The following WDFY4 variants were observed in gnomAD, a reference collection of about 807,000 sequenced individuals.
WDFY4 encodes the protein WDFY family member 4.
WDFY4 carries 169 observed loss-of-function variants against 351.9 expected under a neutral mutation model. The observed-to-expected ratio is 0.48, with a 90% CI of 0.42 to 0.55. WDFY4 has a LOEUF of 0.55. Ranked by LOEUF, WDFY4 falls within the 20% of genes least tolerant of loss-of-function variation. WDFY4 has a pLI of 0.00. For synonymous variants in WDFY4, 1,622 were observed against 1,574.6 expected, an observed-to-expected ratio of 1.03 and a Z score of -0.71; for missense variants, 3,803 against 3,935.6, an observed-to-expected ratio of 0.97 and a Z score of 0.90.
At chr10:48,888,367 A>T (rs946902991) in intron 43 of WDFY4, among the ~76,000 whole-genome samples, 17 of 146,996 alleles carry the variant, frequency 1.2e-4, no homozygotes, top group African/African-American at 4.3e-4. Context: ...TTTGCTTTCC[A>T]GTTAGTCCAG....
intron 11 of WDFY4, among the ~76,000 whole-genome samples, chr10:48,736,876 G>A (rs761650803): frequency 7.9e-5 from 12 of 152,174 alleles, no homozygotes; most frequent in African/African-American, 1.9e-4. Flanking sequence ...GTGGAAACAC[G>A]GGGCACAAAG....
intron 43 of WDFY4, among the ~76,000 whole-genome samples, chr10:48,887,969 A>T (rs2070536399): frequency 6.6e-6 from 1 of 152,246 alleles, no homozygotes; most frequent in African/African-American, 2.4e-5. Context: ...ATTAATAAGA[A>T]TTAGACAGCT....
intron 47 of WDFY4, among the ~76,000 whole-genome samples, chr10:48,906,951 A>G (rs1056365809): frequency 6.9e-6 from 1 of 145,764 alleles, no homozygotes; most frequent in Admixed American, 6.8e-5. Context: ...TTTTTTTTTT[A>G]TTTCTGGAAC....
At position 48,778,819 on chromosome 10, in the gene WDFY4, G is replaced by T; in HGVS notation, c.3384G>T (p.Glu1128Asp). ...LSLVVSTEEK[E>D]FQPLDVMEPE... ...TGGTTGTTTCTACAGAAGAGAAGGA[G>T]TTTCAGCCTCTGGGTAAGGTGCTGG... The change falls in exon 18 of 62, where the codon GAG becomes GAT. Residue 1128 changes from glutamate (E) to aspartate (D), a missense_variant. Glu to Asp is a conservative substitution (Grantham distance 45). Transcript: ENST00000325239. 2 of 1,550,758 alleles carry T rather than the reference G, an allele frequency of 1.3e-6. No individual in the cohort carries two copies. Among genetic ancestry groups the T allele is most frequent in the Non-Finnish European group, 8.7e-7 (1 of 1,147,046 alleles).
chr10:48,767,913 C>T (rs542424020), intron 13 of WDFY4, among the ~76,000 whole-genome samples: 1 of 152,216 alleles, frequency 6.6e-6, no homozygotes, highest in African/African-American at 2.4e-5. Flanking sequence ...TCCAGGACCC[C>T]CAGAAAGTCA....
intron 39 of WDFY4, among the ~76,000 whole-genome samples, chr10:48,866,922 G>A (rs1252760877): frequency 2.0e-5 from 3 of 152,124 alleles, no homozygotes; most frequent in Non-Finnish European, 2.9e-5. Flanking sequence ...TGTAATCCCA[G>A]CACTTTGGGA....
At chr10:48,896,915 GT>G (rs1358679250) in intron 44 of WDFY4, among the ~76,000 whole-genome samples, 3 of 152,070 alleles carry the variant, frequency 2.0e-5, no homozygotes, top group Non-Finnish European at 4.4e-5. Flanking sequence ...AGGGACTAAG[GT>G]GTGTGGCACG....
chr10:48,825,136 A>G (rs939694337), intron 35 of WDFY4, among the ~76,000 whole-genome samples: 1 of 152,042 alleles, frequency 6.6e-6, no homozygotes, highest in Non-Finnish European at 1.5e-5. Context: ...GACAGGCCCC[A>G]GTGTGTGTTG....
In WDFY4 at chr10:48,976,755, C is replaced by T. The variant is rs74588770; in HGVS notation, c.9109-42C>T. ...GCTGAGCAAGTGGCTGATGGGCAGG[C>T]AGTGACTCCAGCTTAGAGTGATGCC... is the stretch of plus-strand genomic sequence containing the variant. On this transcript the variant is annotated intron_variant, in intron 58 of 61. Coordinates refer to ENST00000325239, the MANE Select transcript of WDFY4 (RefSeq NM_001394531.1). 440 of 1,305,632 alleles carry T rather than the reference C, an allele frequency of 3.4e-4. 2 individuals carry two copies. In the African/African-American group the frequency reaches 6.0e-3, roughly 18 times the overall value. 80.9% of individuals were successfully genotyped at this position (1,305,632 alleles called of 1,614,324 possible). A position where few individuals can be genotyped will look rare whatever the true frequency, so the allele number is the denominator to read the frequency against.
At chr10:48,966,237 C>T (rs961971390) in intron 54 of WDFY4, among the ~76,000 whole-genome samples, 1 of 152,164 alleles carries the variant, frequency 6.6e-6, no homozygotes, top group Non-Finnish European at 1.5e-5. Context: ...GGACCAGGGG[C>T]TCTTCAATGA....
At chr10:48,960,427 T>G (rs938272622) in intron 53 of WDFY4, among the ~76,000 whole-genome samples, 5 of 152,214 alleles carry the variant, frequency 3.3e-5, no homozygotes, top group African/African-American at 9.6e-5. Flanking sequence ...CAATAGTTGA[T>G]GAAAATGTGG....
intron 12 of WDFY4, among the ~76,000 whole-genome samples, chr10:48,745,361 T>G (rs1215769324): frequency 6.6e-6 from 1 of 152,230 alleles, no homozygotes; most frequent in Admixed American, 6.5e-5. Flanking sequence ...CTCATAAATA[T>G]TCCACATGTG....
chr10:48,918,399 C>A (rs1589885473), intron 47 of WDFY4, among the ~76,000 whole-genome samples: 1 of 152,202 alleles, frequency 6.6e-6, no homozygotes, highest in East Asian at 1.9e-4. Context: ...ACATACCATG[C>A]AAACACTAAA....
chr10:48,705,370 T>C (rs2063598572), intron 1 of WDFY4, among the ~76,000 whole-genome samples: 1 of 152,180 alleles, frequency 6.6e-6, no homozygotes, highest in African/African-American at 2.4e-5. Flanking sequence ...TTCATTGCCC[T>C]ACCCTCACCC....
At chr10:48,935,841 G>A (rs1176570085) in intron 47 of WDFY4, among the ~76,000 whole-genome samples, 2 of 151,202 alleles carry the variant, frequency 1.3e-5, no homozygotes, top group East Asian at 1.9e-4. Context: ...TGCTTTTCCT[G>A]CTGTTTCCAG....
rs948293285 is a variant in WDFY4, at chr10:48,877,156, G to T, written c.7124G>T (p.Arg2375Leu). Residue 2375 changes from arginine (R) to leucine (L), a missense_variant, in exon 43 of 62, where the codon CGG becomes CTG. Coordinates refer to ENST00000325239, the MANE Select transcript of WDFY4 (RefSeq NM_001394531.1). Reference protein sequence around the residue: ...LHSEDFLELCRERQVILQELL... With the variant: ...LHSEDFLELCLERQVILQELL... Reference sequence around the variant, plus strand: ...TCAGAAGACTTCTTGGAACTGTGTCGGGAAAGACAAGTTATTTTACAAGAG... The same window carrying T: ...TCAGAAGACTTCTTGGAACTGTGTCTGGAAAGACAAGTTATTTTACAAGAG... The T allele has an allele frequency of 1.6e-5, 25 of 1,551,390 alleles. No individual in the cohort carries two copies. Among genetic ancestry groups the T allele is most frequent in the East Asian group, 1.2e-4 (5 of 40,912 alleles).
intron 19 of WDFY4, among the ~76,000 whole-genome samples, chr10:48,782,637 T>A (rs2066265972): frequency 6.6e-6 from 1 of 152,214 alleles, no homozygotes. Flanking sequence ...TCAACCAAGA[T>A]AAACATAAAG....
At position 48,963,905 on chromosome 10, in the gene WDFY4, A is replaced by G. The variant is rs765515422; in HGVS notation, c.8287A>G (p.Lys2763Glu). The G allele has an allele frequency of 1.0e-5, 16 of 1,551,464 alleles. No individual in the cohort carries two copies. Among genetic ancestry groups the G allele is most frequent in the Non-Finnish European group, 1.4e-5 (16 of 1,146,996 alleles). The change falls in exon 54 of 62, where the codon AAG becomes GAG. Residue 2763 changes from lysine to glutamate, a missense_variant. Lys to Glu is a moderately conservative substitution (Grantham distance 56). Around this residue, in one of 3 missense-constraint regions of WDFY4, gnomAD observed 3,054 missense variants for 3,148.6 expected, o/e 0.97. Transcript: ENST00000325239. Reference protein sequence around the residue: ...HHWIDLIFGYKQQGPAAVDAV... With the variant: ...HHWIDLIFGYEQQGPAAVDAV... ...TTGGATAGACCTTATTTTTGGGTAC[A>G]AGCAGCAGGGGCCAGCCGCAGTGGA...
chr10:48,693,793 G>A (rs1310683515), intron 1 of WDFY4, among the ~76,000 whole-genome samples: 2 of 152,222 alleles, frequency 1.3e-5, no homozygotes, highest in African/African-American at 4.8e-5. Context: ...AGCATCAGGA[G>A]CCAAGCTGTA....
Sources: gnomAD v4.1 joint callset for allele counts (sites outside exome capture counted in the v4.1 genomes callset) on GRCh38, gnomAD v4.1.1 for gene constraint, gnomAD v4.1.1 regional missense constraint, MANE v1.5 for transcripts, NCBI Gene and HGNC (gene_info 2026-07-23, HGNC 2026-07-21) for gene names.